Variants in MGAM observed in about 807,000 individuals in gnomAD.
MGAM encodes the protein maltase-glucoamylase, also known as alpha-1,4-glucosidase.
A neutral mutation model predicts 358.8 loss-of-function variants in MGAM; 253 were observed. The observed-to-expected ratio is 0.71, with a 90% CI of 0.64 to 0.78. MGAM has a LOEUF of 0.78. Ranked by LOEUF, MGAM falls within the 30% of genes least tolerant of loss-of-function variation. MGAM has a pLI of 0.00. For missense variants in MGAM, 3,080 were observed against 3,432.6 expected, an observed-to-expected ratio of 0.90 and a Z score of 2.57; for synonymous variants, 1,105 against 1,227.1, an observed-to-expected ratio of 0.90 and a Z score of 2.08.
intron 29 of MGAM, among the ~76,000 whole-genome samples, 196 bp downstream of exon 29, chr7:142,056,292 T>C (rs570980385): frequency 6.6e-6 from 1 of 152,338 alleles, no homozygotes; most frequent in South Asian, 2.1e-4. Flanking sequence ...AACCCAACTC[T>C]CATTTTGGTA....
Position 142,102,653 on chromosome 7 carries a change from T to C in MGAM, c.7987T>C (p.Tyr2663His). Reference sequence around the variant, plus strand: ...AGATACCTATGGGAAAGGACTCTATTACTTGGCCAGCTTTTCTGCCAGCCA... The same window carrying C: ...AGATACCTATGGGAAAGGACTCTATCACTTGGCCAGCTTTTCTGCCAGCCA... ...SIDTYGKGLYYLASFSASQNT... is the reference protein window; with the variant it reads ...SIDTYGKGLYHLASFSASQNT... Residue 2663 changes from tyrosine (Y) to histidine (H), a missense_variant, in exon 69 of 71, where the codon TAC (tyrosine) becomes CAC (histidine). Transcript: ENST00000475668. 6.2e-7 allele frequency: 1 copy of C among 1,613,564 alleles called. No individual in the cohort carries two copies. The highest frequency in any genetic ancestry group is 8.5e-7 in the Non-Finnish European group (1 of 1,179,718).
intron 22 of MGAM, among the ~76,000 whole-genome samples, chr7:142,048,876 T>C (rs1276771159): frequency 6.6e-6 from 1 of 152,128 alleles, no homozygotes; most frequent in Non-Finnish European, 1.5e-5. Context: ...GAGGATTTAA[T>C]ATATATATAG....
In MGAM at chr7:142,059,406, G is replaced by A. The variant is rs116728083; in HGVS notation, c.3820-66G>A. 10 of 1,562,866 alleles carry A rather than the reference G, an allele frequency of 6.4e-6. No homozygotes were observed. In the East Asian group the frequency reaches 2.3e-4, roughly 36 times the overall value. ...GGAATTCCACCATGGGTGGTGGAGG[G>A]TTGTTCTCCTATAAAGCTTGGGCGT... On this transcript the variant is annotated intron_variant, in intron 31 of 70. Transcript: ENST00000475668.
At chr7:142,075,661 G>A (rs1813675991) in intron 45 of MGAM, among the ~76,000 whole-genome samples, 1 of 146,412 alleles carries the variant, frequency 6.8e-6, no homozygotes, top group African/African-American at 2.4e-5. Context: ...AGACATACAA[G>A]TGGCTAACTG....
At chr7:142,099,080 T>C (rs1816210540) in intron 66 of MGAM, among the ~76,000 whole-genome samples, 1 of 152,212 alleles carries the variant, frequency 6.6e-6, no homozygotes, top group African/African-American at 2.4e-5. Flanking sequence ...ACCTGTAAAG[T>C]AGCAGCTCTG....
chr7:142,029,246 G>A (rs969087651), intron 10 of MGAM, among the ~76,000 whole-genome samples: 28 of 152,226 alleles, frequency 1.8e-4, no homozygotes, highest in African/African-American at 6.3e-4. Context: ...TGTAATCCCA[G>A]CTATTCGGGA....
chr7:142,080,375 C>T (rs1051880437), intron 49 of MGAM, among the ~76,000 whole-genome samples: 1 of 146,410 alleles, frequency 6.8e-6, no homozygotes, highest in South Asian at 2.2e-4. Flanking sequence ...AGTTTAGATA[C>T]CACCTTCAGC....
chr7:142,092,034 A>G lies in MGAM; in HGVS notation c.6932A>G (p.Asp2311Gly), dbSNP rs1376743603. The G allele has an allele frequency of 6.5e-7, 1 of 1,539,530 alleles. No homozygotes were observed. The highest frequency in any genetic ancestry group is 8.9e-7 in the Non-Finnish European group (1 of 1,124,278). ...PQNPERSLKF[D>G]GMWIDMNEPS... ...AATCCAGAGAGGAGCTTGAAGTTTGATGGCATGTGGATTGTAAGTGTGTGT... is the reference window on the plus strand; with the variant it reads ...AATCCAGAGAGGAGCTTGAAGTTTGGTGGCATGTGGATTGTAAGTGTGTGT... Residue 2311 changes from aspartate to glycine, a missense_variant, in exon 58 of 71, where the codon GAT (aspartate) becomes GGT (glycine). This residue lies in a region of MGAM where 932 missense variants were observed against 1,198.2 expected (regional missense o/e 0.78). Transcript: ENST00000475668.
rs183822360 is a variant in MGAM at position 141,998,411 on chromosome 7, G to T, written c.-3+2481G>T. On this transcript the variant is annotated intron_variant, in intron 1 of 70. Coordinates refer to ENST00000475668, the MANE Select transcript of MGAM (RefSeq NM_001365693.1). ...CATAATTCTCTCCCTCCCCTAGCCCGCCATCCCCTGACAGGCCCTAATGTG... is the reference window on the plus strand; with the variant it reads ...CATAATTCTCTCCCTCCCCTAGCCCTCCATCCCCTGACAGGCCCTAATGTG... 3.3e-5 allele frequency among the ~76,000 whole-genome samples: 5 copies of T among 152,034 alleles called. No homozygotes were observed. In the South Asian group the frequency reaches 8.3e-4, roughly 25 times the overall value.
At chr7:142,058,400 A>G (rs1292867571) in intron 31 of MGAM, 72 bp downstream of exon 31, 3 of 1,598,350 alleles carry the variant, frequency 1.9e-6, no homozygotes, top group South Asian at 1.1e-5. Flanking sequence ...TCATTTGTCT[A>G]ATGTTTGTTG....
rs760661457 is a variant in MGAM, at chr7:142,052,443, G to C, written c.2955G>C (p.Trp985Cys). ...ACTGCACTGCCCGTGGCTGTATCTG[G>C]GAGGTAACCATGCTGATGGGGTTTG... The part of the protein sequence containing the change: ...AENCTARGCI[W>C]EASNSSGVPF... Residue 985 changes from tryptophan to cysteine, a missense_variant, in exon 25 of 71, where the codon TGG (tryptophan) becomes TGC (cysteine). Around this residue, in one of 5 missense-constraint regions of MGAM, gnomAD observed 1,816 missense variants for 1,840.5 expected, o/e 0.99. Transcript: ENST00000475668. The C allele has an allele frequency of 3.7e-6, 6 of 1,613,082 alleles. No homozygotes were observed. Among genetic ancestry groups the C allele is most frequent in the Non-Finnish European group, 5.1e-6 (6 of 1,179,646 alleles).
chr7:142,033,253 C>G (rs782715693), intron 14 of MGAM, among the ~76,000 whole-genome samples: 5 of 152,086 alleles, frequency 3.3e-5, no homozygotes, highest in Non-Finnish European at 5.9e-5. Flanking sequence ...CAGAGAGACA[C>G]CAGGTAACCA....
chr7:142,061,551 G>A (rs1812201859), intron 34 of MGAM, among the ~76,000 whole-genome samples: 1 of 151,932 alleles, frequency 6.6e-6, no homozygotes, highest in African/African-American at 2.4e-5. Context: ...TAGACATCTG[G>A]GTTCCTACCT....
At chr7:142,095,931 T>A in intron 64 of MGAM, 1 of 740,392 alleles carries the variant, frequency 1.4e-6, no homozygotes, top group Non-Finnish European at 2.1e-6. Flanking sequence ...AATGATGCAG[T>A]ATAGCATAGA....
At chr7:142,092,876 G>T (rs10952515) in intron 59 of MGAM, among the ~76,000 whole-genome samples, 1 of 145,748 alleles carries the variant, frequency 6.9e-6, no homozygotes, top group Non-Finnish European at 1.6e-5. Context: ...AGCTAGGCTT[G>T]TTAGTTTTTT....
At chr7:142,011,209 G>A (rs1289938627) in intron 3 of MGAM, among the ~76,000 whole-genome samples, 2 of 152,098 alleles carry the variant, frequency 1.3e-5, no homozygotes. Flanking sequence ...TTAAACAGAA[G>A]CTTTGTCATC....
At chr7:142,100,733 G>C in intron 67 of MGAM, 69 bp from the exon 68 acceptor site, 2 of 1,327,506 alleles carry the variant, frequency 1.5e-6, no homozygotes, top group Non-Finnish European at 2.1e-6. Context: ...CTTTATGTTT[G>C]TATGTAAAGT....
rs1324798347 is a variant in MGAM at position 142,071,138 on chromosome 7, T to G, written c.5186+20T>G. Reference sequence around the variant, plus strand: ...CTTAAGGTGAATGACAGGACTCAGGTTTTCCTTTACATTTCAGTTAGCTCA... The same window carrying G: ...CTTAAGGTGAATGACAGGACTCAGGGTTTCCTTTACATTTCAGTTAGCTCA... On this transcript the variant is annotated intron_variant, in intron 44 of 70. Coordinates refer to ENST00000475668, the MANE Select transcript of MGAM (RefSeq NM_001365693.1). The G allele has an allele frequency of 6.5e-7, 1 of 1,540,326 alleles. No homozygotes were observed. Among genetic ancestry groups the G allele is most frequent in the Admixed American group, 1.8e-5 (1 of 56,586 alleles).
At chr7:142,084,729 T>G in intron 54 of MGAM, 85 bp downstream of exon 54, 1 of 1,462,882 alleles carries the variant, frequency 6.8e-7, no homozygotes, top group Non-Finnish European at 9.4e-7. Context: ...GTTTGTGAGA[T>G]TCTATAAAGA....
Sources: allele counts gnomAD v4.1 joint callset (sites outside exome capture counted in the v4.1 genomes callset), GRCh38; gene constraint gnomAD v4.1.1; regional missense constraint gnomAD v4.1.1; transcripts MANE v1.5; gene names NCBI Gene and HGNC (gene_info 2026-07-23, HGNC 2026-07-21).